Variants in FGF14 observed in about 807,000 individuals in gnomAD.
The protein encoded by FGF14 is fibroblast growth factor 14.
A neutral mutation model predicts 25.5 loss-of-function variants in FGF14; 5 were observed. The observed-to-expected ratio is 0.20, with a 90% CI of 0.10 to 0.41. The LOEUF is 0.41. FGF14 is among the 10% of genes least tolerant of loss of function. The pLI is 1.00. For missense variants in FGF14, 222 were observed against 320.1 expected (o/e 0.69, Z 2.34); for synonymous variants, 138 against 118.3 (o/e 1.17, Z -1.08).
At chr13:102,125,084 GA>G (rs1405668837) in intron 1 of FGF14, among the ~76,000 whole-genome samples, 1 of 151,968 alleles carries the variant, frequency 6.6e-6, no homozygotes, top group Admixed American at 6.6e-5. Context: ...TATCTCTTTT[GA>G]AAAACTTTAA....
intron 1 of FGF14, chr13:102,299,766 G>A (rs2054930355): frequency 6.6e-6 from 1 of 152,116 alleles, no homozygotes; most frequent in African/African-American, 2.4e-5. Context: ...AGCACAATAT[G>A]AGGAAATAAG....
chr13:101,785,747 A>G (rs950476907), intron 3 of FGF14, among the ~76,000 whole-genome samples: 13 of 152,144 alleles, frequency 8.5e-5, no homozygotes, highest in African/African-American at 1.2e-4. Flanking sequence ...CCTTTCATAA[A>G]TCATTTTTGA....
chr13:102,250,303 C>A (rs745803783), intron 1 of FGF14, among the ~76,000 whole-genome samples: 2 of 152,208 alleles, frequency 1.3e-5, no homozygotes, highest in Non-Finnish European at 1.5e-5. Flanking sequence ...CCAATGTGAA[C>A]CTCCTCTGAC....
intron 1 of FGF14, among the ~76,000 whole-genome samples, chr13:101,883,238 T>C (rs2045810643): frequency 6.6e-6 from 1 of 152,202 alleles, no homozygotes; most frequent in Non-Finnish European, 1.5e-5. Flanking sequence ...TGATGCCTCT[T>C]GACCATTTTT....
At chr13:101,981,018 G>A (rs541898666) in intron 1 of FGF14, among the ~76,000 whole-genome samples, 24 of 151,178 alleles carry the variant, frequency 1.6e-4, no homozygotes, top group African/African-American at 5.6e-4. Flanking sequence ...GAGGTGGGTG[G>A]ATTGCCTGAG....
At chr13:101,902,547 G>A (rs1448209557) in intron 1 of FGF14, among the ~76,000 whole-genome samples, 1 of 152,114 alleles carries the variant, frequency 6.6e-6, no homozygotes, top group African/African-American at 2.4e-5. Context: ...AGCCAATATT[G>A]ATACCAAGCC....
intron 1 of FGF14, among the ~76,000 whole-genome samples, chr13:101,998,097 T>C (rs1056438913): frequency 2.6e-5 from 4 of 152,128 alleles, no homozygotes; most frequent in Non-Finnish European, 5.9e-5. Context: ...CTAATTGGGT[T>C]AAGATATCAT....
chr13:101,917,367 A>G (rs1458206587), upstream of FGF14, among the ~76,000 whole-genome samples: 1 of 152,138 alleles, frequency 6.6e-6, no homozygotes, highest in Non-Finnish European at 1.5e-5. Context: ...ATAGGTAATA[A>G]TGATTTAAAA....
At chr13:102,307,120 C>T (rs1179900385) in intron 1 of FGF14, among the ~76,000 whole-genome samples, 1 of 152,084 alleles carries the variant, frequency 6.6e-6, no homozygotes, top group Non-Finnish European at 1.5e-5. Flanking sequence ...TGTAGCAGAG[C>T]ACAAGCAAGG....
rs926861752 is a variant in FGF14, at chr13:101,916,816, C to A, written c.-171G>T. 1.2e-4 allele frequency among the ~76,000 whole-genome samples: 19 copies of A among 152,130 alleles called. No individual in the cohort carries two copies. Among genetic ancestry groups the A allele is most frequent in the African/African-American group, 4.3e-4 (18 of 41,452 alleles). ...GGGCTCAGTCCTGACCGGGACCCAT[C>A]GCCCTCTCCGCGGGGCGCGGGGCCA... On this transcript the variant is annotated 5_prime_UTR_variant, in exon 1 of 5. Transcript: ENST00000376143.
chr13:101,907,889 G>A (rs565491011), intron 1 of FGF14, among the ~76,000 whole-genome samples: 1 of 152,038 alleles, frequency 6.6e-6, no homozygotes, highest in Non-Finnish European at 1.5e-5. Context: ...ATGAGGTCTT[G>A]AACTTAGATT....
intron 1 of FGF14, among the ~76,000 whole-genome samples, chr13:102,345,615 A>G (rs931566061): frequency 1.1e-4 from 17 of 152,224 alleles, no homozygotes; most frequent in Admixed American, 7.2e-4. Context: ...CTTTTCTAGA[A>G]GAGTTAGCAT....
intron 1 of FGF14, among the ~76,000 whole-genome samples, chr13:102,032,944 G>A (rs2041284403): frequency 6.6e-6 from 1 of 152,088 alleles, no homozygotes; most frequent in African/African-American, 2.4e-5. Context: ...GGAGCTCACA[G>A]GGGCCAACTG....
Position 102,112,116 on chromosome 13 carries a change from A to G in FGF14, c.209-236820T>C, listed in dbSNP as rs185739802. On this transcript the variant is annotated intron_variant, in intron 1 of 4. Transcript: ENST00000376131. ...TATTAAACACCAGTATTATTCTAGT[A>G]CTTCATACTTATTATCTCACTTAAT... Among the ~76,000 whole-genome samples the G allele has an allele frequency of 1.1e-4, 17 of 152,328 alleles. No individual in the cohort carries two copies. The East Asian group carries it at 2.9e-3, about 26-fold the overall frequency.
intron 1 of FGF14, among the ~76,000 whole-genome samples, chr13:102,368,217 AAAT>A (rs2057774249): frequency 6.6e-6 from 1 of 152,186 alleles, no homozygotes; most frequent in Non-Finnish European, 1.5e-5. Flanking sequence ...CACGTACATA[AAAT>A]AATACTTATT....
At chr13:102,246,967 C>A (rs2051905773) in intron 1 of FGF14, among the ~76,000 whole-genome samples, 1 of 152,006 alleles carries the variant, frequency 6.6e-6, no homozygotes, top group Non-Finnish European at 1.5e-5. Context: ...TTCAACAAAG[C>A]TGACAAAAGT....
chr13:101,986,662 A>G (rs1347379653), intron 1 of FGF14, among the ~76,000 whole-genome samples: 3 of 152,120 alleles, frequency 2.0e-5, no homozygotes. Flanking sequence ...CTTGCTCAGG[A>G]GCAAGTAGCA....
chr13:102,247,264 A>G (rs1046971685), intron 1 of FGF14, among the ~76,000 whole-genome samples: 1 of 152,210 alleles, frequency 6.6e-6, no homozygotes, highest in Non-Finnish European at 1.5e-5. Context: ...GAGCTTCTAC[A>G]CAGCAAAAGA....
At chr13:101,765,777 T>G (rs1448312281) in intron 3 of FGF14, among the ~76,000 whole-genome samples, 1 of 151,904 alleles carries the variant, frequency 6.6e-6, no homozygotes, top group Non-Finnish European at 1.5e-5. Flanking sequence ...TCGCCCAGGC[T>G]GGAGTACAGT....
Sources: gnomAD v4.1 joint callset for allele counts (sites outside exome capture counted in the v4.1 genomes callset) on GRCh38, gnomAD v4.1.1 for gene constraint, MANE v1.5 for transcripts, NCBI Gene and HGNC (gene_info 2026-07-23, HGNC 2026-07-21) for gene names.